FRK: variants seen among roughly 807,000 people sequenced by gnomAD.
The protein encoded by FRK is fyn related Src family tyrosine kinase.
In FRK, 51 loss-of-function variants were observed where a neutral mutation model predicts 56.4. That is an observed-to-expected ratio of 0.90 (90% CI 0.72 to 1.14). FRK has a LOEUF of 1.14. Ranked by LOEUF, FRK falls within the 50% of genes most tolerant of loss-of-function variation. The pLI is 0.00. For missense variants in FRK, 570 were observed against 601.4 expected, an observed-to-expected ratio of 0.95 and a Z score of 0.55; for synonymous variants, 245 against 217.9, an observed-to-expected ratio of 1.12 and a Z score of -1.10.
In FRK at chr6:115,942,219, C is replaced by G. The variant is rs556139540; in HGVS notation, c.*195G>C. The G allele has an allele frequency of 3.2e-4, 164 of 518,062 alleles. 1 individual carries two copies. In the South Asian group the frequency reaches 3.5e-3, roughly 11 times the overall value. The allele number at this position is 518,062 out of a possible 1,614,324, so 32.1% of individuals were successfully genotyped here. On this transcript the variant is annotated 3_prime_UTR_variant, in exon 8 of 8. Transcript: ENST00000606080. ...CAGGCAGTGAGGAAATTATATATCA[C>G]CTTGACTGTCCTGCAGTGTTGCCCA...
At chr6:115,950,987 G>A (rs536790766) in intron 5 of FRK, among the ~76,000 whole-genome samples, 1 of 152,146 alleles carries the variant, frequency 6.6e-6, no homozygotes, top group Non-Finnish European at 1.5e-5. Context: ...CATGGGCACA[G>A]GGAGGGGAAC....
chr6:115,952,758 T>A (rs1463284486), intron 5 of FRK, among the ~76,000 whole-genome samples: 2 of 151,872 alleles, frequency 1.3e-5, no homozygotes, highest in Non-Finnish European at 2.9e-5. Context: ...AATGATGAGT[T>A]CATGTCCTTT....
intron 2 of FRK, among the ~76,000 whole-genome samples, chr6:115,972,100 C>T (rs549115106): frequency 6.6e-6 from 1 of 152,288 alleles, no homozygotes. Context: ...ACCCAATTGC[C>T]TCTCAGCTTC....
chr6:115,968,292 T>TACC (rs1279346042), intron 3 of FRK, among the ~76,000 whole-genome samples: 1 of 152,184 alleles, frequency 6.6e-6, no homozygotes, highest in East Asian at 1.9e-4. Flanking sequence ...TATTCTAGTT[T>TACC]ACCACCTGCC....
chr6:116,007,449 T>C (rs1011940312), intron 1 of FRK, among the ~76,000 whole-genome samples: 1 of 152,196 alleles, frequency 6.6e-6, no homozygotes, highest in African/African-American at 2.4e-5. Flanking sequence ...CAAACTTCTA[T>C]TTCGCATGCC....
intron 5 of FRK, among the ~76,000 whole-genome samples, chr6:115,945,315 G>A (rs1772381342): frequency 6.6e-6 from 1 of 152,068 alleles, no homozygotes; most frequent in Admixed American, 6.6e-5. Context: ...TTGAACTAAT[G>A]TACACTCCTA....
At chr6:116,018,718 C>T (rs1016050437) in intron 1 of FRK, among the ~76,000 whole-genome samples, 3 of 152,040 alleles carry the variant, frequency 2.0e-5, no homozygotes, top group African/African-American at 7.2e-5. Flanking sequence ...AAGCATATTG[C>T]AATTAAATAA....
the FRK span, among the ~76,000 whole-genome samples, chr6:116,071,511 G>A: frequency 1.3e-5 from 2 of 152,112 alleles, no homozygotes; most frequent in East Asian, 3.8e-4. Flanking sequence ...GAGGTCATCT[G>A]CTGAAATTTC....
intron 1 of FRK, among the ~76,000 whole-genome samples, chr6:116,011,990 A>T (rs537289480): frequency 2.0e-5 from 3 of 152,310 alleles, no homozygotes; most frequent in Non-Finnish European, 2.9e-5. Context: ...AAGAAAAAAA[A>T]TAATGCTCGC....
At chr6:115,975,040 GT>G (rs1490197390) in intron 2 of FRK, among the ~76,000 whole-genome samples, 1 of 152,070 alleles carries the variant, frequency 6.6e-6, no homozygotes, top group African/African-American at 2.4e-5. Context: ...TGTATTTTAA[GT>G]GAAATATAAA....
chr6:116,068,745 A>G, the FRK span, among the ~76,000 whole-genome samples: 1 of 152,106 alleles, frequency 6.6e-6, no homozygotes. Context: ...TTGAAAATCC[A>G]TGAATTTTAC....
At chr6:116,066,475 C>G in the FRK span, among the ~76,000 whole-genome samples, 2 of 151,964 alleles carry the variant, frequency 1.3e-5, no homozygotes, top group East Asian at 3.9e-4. Flanking sequence ...CCTATTAGTT[C>G]TGTCCCTCTA....
At chr6:115,983,413 CA>C (rs1462610705) in intron 2 of FRK, among the ~76,000 whole-genome samples, 1 of 152,158 alleles carries the variant, frequency 6.6e-6, no homozygotes, top group African/African-American at 2.4e-5. Context: ...TACTGTTTAA[CA>C]AGATGATAAT....
At chr6:116,052,484 T>C (rs1230872123) in intron 1 of FRK, among the ~76,000 whole-genome samples, 1 of 152,152 alleles carries the variant, frequency 6.6e-6, no homozygotes, top group Non-Finnish European at 1.5e-5. Context: ...ACAGGTATCA[T>C]ACTAAGCTCT....
chr6:116,003,829 C>T (rs886479621), intron 2 of FRK, 48 bp downstream of exon 2: 3 of 1,602,118 alleles, frequency 1.9e-6, no homozygotes, highest in African/African-American at 1.3e-5. Context: ...AAGCTCATGA[C>T]TGCAGACTCT....
chr6:115,948,921 C>A (rs940088420), intron 5 of FRK, among the ~76,000 whole-genome samples: 2 of 152,162 alleles, frequency 1.3e-5, no homozygotes, highest in African/African-American at 4.8e-5. Flanking sequence ...GTTACCTAAT[C>A]TCTACATACC....
At position 115,944,104 on chromosome 6, in the gene FRK, G is replaced by A. The variant is rs1480883301; in HGVS notation, c.1140+140C>T. On this transcript the variant is annotated intron_variant, in intron 6 of 7. Transcript: ENST00000606080. ...TAGGAAGGTGCAGGTAGTTTGTAAG[G>A]CTTTGGACTACTGAAGTAGTTTATG... is the stretch of plus-strand genomic sequence containing the variant. 1.3e-5 allele frequency: 8 copies of A among 608,094 alleles called. No individual in the cohort carries two copies. In the South Asian group the frequency reaches 1.7e-4, roughly 13 times the overall value. 37.7% of individuals were successfully genotyped at this position (608,094 alleles called of 1,614,324 possible). A position where few individuals can be genotyped will look rare whatever the true frequency, so the allele number is the denominator to read the frequency against.
Position 116,043,932 on chromosome 6 carries a change from T to C in FRK, c.344+16036A>G, listed in dbSNP as rs375413110. ...CCACTGATCCCACAGAAGTACAAAATGCCCTCAGAGAATACTATAAACACC... is the reference window on the plus strand; with the variant it reads ...CCACTGATCCCACAGAAGTACAAAACGCCCTCAGAGAATACTATAAACACC... On this transcript the variant is annotated intron_variant, in intron 1 of 7. Coordinates refer to ENST00000606080, the MANE Select transcript of FRK (RefSeq NM_002031.3). Among the ~76,000 whole-genome samples, 94 of 152,200 alleles carry C rather than the reference T, an allele frequency of 6.2e-4. 2 individuals are homozygous for C. In the East Asian group the frequency reaches 9.1e-3, roughly 15 times the overall value.
chr6:116,060,085 T>A lies in FRK; in HGVS notation c.227A>T (p.His76Leu), dbSNP rs746247007. 1 of 1,614,170 alleles carries A rather than the reference T, an allele frequency of 6.2e-7. No individual in the cohort carries two copies. Among genetic ancestry groups the A allele is most frequent in the Non-Finnish European group, 8.5e-7 (1 of 1,180,042 alleles). ...GTGTCTGGCAAACCACCAGCCCTCA[T>A]GCAAAGTGTCCAGAACTTGAAGTTT... Reference protein sequence around the residue: ...GDKLQVLDTLHEGWWFARHLE... With the variant: ...GDKLQVLDTLLEGWWFARHLE... Residue 76 changes from histidine (H) to leucine (L), a missense_variant, in exon 1 of 8, where the codon CAT (histidine) becomes CTT (leucine). His to Leu is a moderately conservative substitution (Grantham distance 99, BLOSUM62 -3). Transcript: ENST00000606080.
Sources: allele counts gnomAD v4.1 joint callset (sites outside exome capture counted in the v4.1 genomes callset), GRCh38; gene constraint gnomAD v4.1.1; transcripts MANE v1.5; gene names NCBI Gene and HGNC (gene_info 2026-07-23, HGNC 2026-07-21).